Variants in TMEM131L observed in about 807,000 individuals in gnomAD.
TMEM131L encodes transmembrane protein 131-like.
Under a neutral mutation model 192.2 loss-of-function variants are expected in TMEM131L, and 54 were observed. The observed-to-expected ratio is 0.28, with a 90% CI of 0.23 to 0.35. TMEM131L has a LOEUF of 0.35. Ranked by LOEUF, TMEM131L falls within the 10% of genes least tolerant of loss-of-function variation. The pLI, the probability that TMEM131L is intolerant of heterozygous loss-of-function variation, is 1.00. For synonymous variants in TMEM131L, 701 were observed against 704.9 expected (o/e 0.99, Z 0.09); for missense variants, 1,888 against 1,972.9 (o/e 0.96, Z 0.82).
At chr4:153,533,513 G>T (rs1736077609) in intron 3 of TMEM131L, among the ~76,000 whole-genome samples, 1 of 152,174 alleles carries the variant, frequency 6.6e-6, no homozygotes, top group Non-Finnish European at 1.5e-5. Context: ...ATTCATTCAA[G>T]CAGTGGAACT....
Position 153,635,511 on chromosome 4 carries a change from C to T in TMEM131L, c.4497C>T (p.Thr1499=). ...TTATTGATCACAACTCTCAGTCTAC[C>T]TGGAACACCCCACCCAACATGCCTG... ...TDFIDHNSQS[T]WNTPPNMPAA... Residue 1499 remains threonine, a synonymous_variant, in exon 34 of 35, where the codon ACC becomes ACT. Coordinates refer to ENST00000409959, the MANE Select transcript of TMEM131L (RefSeq NM_001131007.2). 1 of 1,614,178 alleles carries T rather than the reference C, an allele frequency of 6.2e-7. No individual in the cohort carries two copies. The highest frequency in any genetic ancestry group is 1.1e-5 in the South Asian group (1 of 91,082).
chr4:153,479,855 G>A (rs1172332896), intron 3 of TMEM131L, among the ~76,000 whole-genome samples: 1 of 152,182 alleles, frequency 6.6e-6, no homozygotes, highest in Admixed American at 6.5e-5. Context: ...TTTTGGCAGT[G>A]AAACATTTCA....
At chr4:153,598,797 C>T in intron 21 of TMEM131L, 65 bp downstream of exon 21, 1 of 1,262,594 alleles carries the variant, frequency 7.9e-7, no homozygotes, top group Non-Finnish European at 1.0e-6. Flanking sequence ...TGAAAGGATT[C>T]TATAAATTCT....
chr4:153,629,478 A>G (rs770567112), intron 31 of TMEM131L, among the ~76,000 whole-genome samples: 2 of 152,102 alleles, frequency 1.3e-5, no homozygotes, highest in Non-Finnish European at 2.9e-5. Context: ...CTACTATAAT[A>G]CTTCCCGTCA....
chr4:153,620,928 A>G, intron 27 of TMEM131L, 48 bp downstream of exon 27: 2 of 1,472,534 alleles, frequency 1.4e-6, no homozygotes, highest in East Asian at 2.5e-5. Flanking sequence ...TTTTCACTTT[A>G]TAATTTTGCA....
intron 26 of TMEM131L, among the ~76,000 whole-genome samples, chr4:153,615,571 G>C (rs1732920038): frequency 1.3e-5 from 2 of 152,200 alleles, no homozygotes; most frequent in Admixed American, 1.3e-4. Flanking sequence ...GTGAGGATAG[G>C]GCACACTTTC....
In TMEM131L at chr4:153,558,040, G is replaced by A. The variant is rs117939487; in HGVS notation, c.550-218G>A. ...CCTCCCTGGGCCTCCCAAAGTGTTGGGATTACAGGCGTGAGCCACCGTGCT... is the reference window on the plus strand; with the variant it reads ...CCTCCCTGGGCCTCCCAAAGTGTTGAGATTACAGGCGTGAGCCACCGTGCT... On this transcript the variant is annotated intron_variant, in intron 6 of 34. Coordinates refer to ENST00000409959, the MANE Select transcript of TMEM131L (RefSeq NM_001131007.2). 6.3e-4 allele frequency among the ~76,000 whole-genome samples: 96 copies of A among 152,286 alleles called. 2 individuals carry two copies. In the East Asian group the frequency reaches 0.016, roughly 25 times the overall value.
intron 7 of TMEM131L, among the ~76,000 whole-genome samples, chr4:153,578,525 T>TG (rs1164026513): frequency 9.2e-4 from 137 of 149,510 alleles, no homozygotes; most frequent in African/African-American, 3.1e-3. Context: ...CCAGCTAGTT[T>TG]TTTTTTTTTT....
intron 3 of TMEM131L, among the ~76,000 whole-genome samples, chr4:153,477,423 A>G (rs1296299202): frequency 6.6e-6 from 1 of 152,156 alleles, no homozygotes; most frequent in East Asian, 1.9e-4. Flanking sequence ...TTGTAGATGC[A>G]GTTCTCTTCA....
chr4:153,490,330 T>C (rs1173998922), intron 3 of TMEM131L, among the ~76,000 whole-genome samples: 2 of 152,198 alleles, frequency 1.3e-5, no homozygotes, highest in African/African-American at 2.4e-5. Flanking sequence ...TCGTGGGTAA[T>C]TAGGCGCCTT....
At chr4:153,600,586 A>G (rs1004918503) in intron 21 of TMEM131L, among the ~76,000 whole-genome samples, 1 of 152,254 alleles carries the variant, frequency 6.6e-6, no homozygotes, top group Non-Finnish European at 1.5e-5. Context: ...CAACTTCCTC[A>G]GGAACTGAAA....
chr4:153,488,056 G>A (rs1361093976), intron 3 of TMEM131L, among the ~76,000 whole-genome samples: 1 of 148,008 alleles, frequency 6.8e-6, no homozygotes, highest in Non-Finnish European at 1.5e-5. Context: ...GTGTGTATGT[G>A]TGCATGTTGA....
intron 17 of TMEM131L, among the ~76,000 whole-genome samples, chr4:153,592,203 C>T (rs1248517847): frequency 6.8e-6 from 1 of 147,398 alleles, no homozygotes; most frequent in African/African-American, 2.7e-5. Flanking sequence ...GTCATACTTT[C>T]CAGCATTTTT....
intron 29 of TMEM131L, 72 bp downstream of exon 29, chr4:153,623,155 C>T (rs540800545): frequency 1.5e-4 from 203 of 1,358,652 alleles, no homozygotes; most frequent in Non-Finnish European, 2.0e-4. Context: ...CCAGTCCACA[C>T]AGTCTCGATC....
chr4:153,466,477 A>C lies in TMEM131L; in HGVS notation c.80A>C (p.Gln27Pro). ...GTGAACCTCCTGCTGGGCGTCTTCC[A>C]GGTCCTGCTGCCCTGCTGTCGCCCG... ...AAVNLLLGVF[Q>P]VLLPCCRPGG... The change falls in exon 1 of 35, where the codon CAG becomes CCG. Residue 27 changes from glutamine to proline, a missense_variant. Physicochemically the swap from Gln to Pro is moderately conservative, Grantham distance 76. Transcript: ENST00000409959. The C allele has an allele frequency of 7.0e-7, 1 of 1,420,200 alleles. No individual in the cohort carries two copies. The highest frequency in any genetic ancestry group is 9.3e-7 in the Non-Finnish European group (1 of 1,078,658). 88.0% of individuals were successfully genotyped at this position (1,420,200 alleles called of 1,614,324 possible).
At chr4:153,500,682 C>T (rs921866476) in intron 3 of TMEM131L, among the ~76,000 whole-genome samples, 2 of 152,144 alleles carry the variant, frequency 1.3e-5, no homozygotes, top group African/African-American at 4.8e-5. Flanking sequence ...TCTCAATATA[C>T]ACTTAAGTAA....
intron 3 of TMEM131L, among the ~76,000 whole-genome samples, chr4:153,491,287 G>A (rs1012841047): frequency 6.6e-6 from 1 of 152,184 alleles, no homozygotes; most frequent in African/African-American, 2.4e-5. Flanking sequence ...AGAGTAGGTA[G>A]GAAGTAAGTG....
At chr4:153,532,847 CTT>C (rs1736008999) in intron 3 of TMEM131L, among the ~76,000 whole-genome samples, 3 of 152,276 alleles carry the variant, frequency 2.0e-5, no homozygotes, top group Admixed American at 2.0e-4. Context: ...TAGTTGGAAT[CTT>C]TTCAGCTTCA....
At chr4:153,629,084 GCCCCAC>G (rs1734043000) in intron 31 of TMEM131L, among the ~76,000 whole-genome samples, 2 of 152,178 alleles carry the variant, frequency 1.3e-5, no homozygotes, top group African/African-American at 4.8e-5. Context: ...TTTGCCTAGT[GCCCCAC>G]CTGCTCCTGT....
Sources: gnomAD v4.1 joint callset for allele counts (sites outside exome capture counted in the v4.1 genomes callset) on GRCh38, gnomAD v4.1.1 for gene constraint, MANE v1.5 for transcripts, NCBI Gene and HGNC (gene_info 2026-07-23, HGNC 2026-07-21) for gene names.